Variants in COL21A1 observed in about 807,000 individuals in gnomAD.
COL21A1 encodes collagen type XXI alpha 1 chain.
Under a neutral mutation model 137.9 loss-of-function variants are expected in COL21A1, and 149 were observed. That is an observed-to-expected ratio of 1.08 (90% CI 0.95 to 1.24). The LOEUF (loss-of-function observed/expected upper bound fraction) is 1.24. COL21A1 is among the 50% of genes most tolerant of loss of function. The pLI is 0.00. For synonymous variants in COL21A1, 456 were observed against 391.5 expected, an observed-to-expected ratio of 1.16 and a Z score of -1.95; for missense variants, 1,167 against 1,158.4, an observed-to-expected ratio of 1.01 and a Z score of -0.11.
intron 1 of COL21A1, among the ~76,000 whole-genome samples, chr6:56,218,385 C>A (rs1046522652): frequency 6.6e-6 from 1 of 151,798 alleles, no homozygotes; most frequent in South Asian, 2.1e-4. Context: ...CCCAACACTT[C>A]CTAAAATCAA....
intron 12 of COL21A1, among the ~76,000 whole-genome samples, chr6:56,135,824 T>C (rs1379580201): frequency 7.9e-5 from 12 of 152,230 alleles, no homozygotes; most frequent in Non-Finnish European, 2.9e-5. Flanking sequence ...AACTTTCCTT[T>C]AAACTCCTAG....
intron 16 of COL21A1, among the ~76,000 whole-genome samples, chr6:56,107,507 A>G (rs969696854): frequency 3.9e-5 from 6 of 152,204 alleles, no homozygotes; most frequent in Admixed American, 2.0e-4. Context: ...ATATGCTATT[A>G]GACTTTAAAT....
chr6:56,102,917 A>G (rs1770581570), intron 16 of COL21A1, among the ~76,000 whole-genome samples: 1 of 152,196 alleles, frequency 6.6e-6, no homozygotes, highest in Admixed American at 6.5e-5. Flanking sequence ...CTAATCCAAT[A>G]GCTCTACAGA....
At chr6:56,188,789 G>A (rs747776767) in intron 1 of COL21A1, among the ~76,000 whole-genome samples, 1 of 152,182 alleles carries the variant, frequency 6.6e-6, no homozygotes, top group Non-Finnish European at 1.5e-5. Flanking sequence ...GGAAAGAACA[G>A]GCAGCAATCT....
chr6:56,328,099 C>G (rs1714823632), intron 1 of COL21A1, among the ~76,000 whole-genome samples: 1 of 152,030 alleles, frequency 6.6e-6, no homozygotes, highest in Non-Finnish European at 1.5e-5. Flanking sequence ...ACAATTTACC[C>G]TTAAAAATTC....
At chr6:56,062,148 A>C (rs1765850354) in intron 24 of COL21A1, among the ~76,000 whole-genome samples, 2 of 152,306 alleles carry the variant, frequency 1.3e-5, no homozygotes, top group South Asian at 4.1e-4. Context: ...AAGCAAAGAT[A>C]CCATTAAAAG....
In COL21A1 at chr6:56,094,149, G is replaced by GA. The variant is rs912973277; in HGVS notation, c.1812+7322dup. Among the ~76,000 whole-genome samples the GA allele has an allele frequency of 1.8e-4, 27 of 149,346 alleles. 1 individual carries two copies. The South Asian group carries it at 1.9e-3, about 11-fold the overall frequency. ...CCTCACACTTTACTATAAGCAGTAA[G>GA]AAAAAAAAAATCATGCTCTATCTTC... On this transcript the variant is annotated intron_variant, in intron 17 of 29. Transcript: ENST00000244728.
chr6:56,326,928 A>G (rs1211311544), intron 1 of COL21A1, among the ~76,000 whole-genome samples: 4 of 152,026 alleles, frequency 2.6e-5, no homozygotes, highest in African/African-American at 9.7e-5. Flanking sequence ...AGCTGGACTC[A>G]ATGAAAGGGA....
At chr6:56,272,406 G>A (rs1582747832) in intron 1 of COL21A1, among the ~76,000 whole-genome samples, 3 of 152,188 alleles carry the variant, frequency 2.0e-5, no homozygotes, top group East Asian at 3.9e-4. Context: ...TATCTTGGGA[G>A]TTAACTAACT....
At chr6:56,094,291 G>T (rs1358297634) in intron 17 of COL21A1, among the ~76,000 whole-genome samples, 1 of 152,096 alleles carries the variant, frequency 6.6e-6, no homozygotes, top group Non-Finnish European at 1.5e-5. Context: ...TTATGACAAG[G>T]TGTCACTATT....
chr6:56,070,795 T>C lies in COL21A1; in HGVS notation c.1969A>G (p.Ser657Gly), dbSNP rs1403377389. 1.3e-6 allele frequency: 2 copies of C among 1,596,228 alleles called. No homozygotes were observed. Among genetic ancestry groups the C allele is most frequent in the Non-Finnish European group, 1.7e-6 (2 of 1,173,598 alleles). Residue 657 changes from serine to glycine, a missense_variant, in exon 21 of 30, where the codon AGC becomes GGC. Coordinates refer to ENST00000244728, the MANE Select transcript of COL21A1 (RefSeq NM_030820.4). Reference sequence around the variant, plus strand: ...CCTTGAATTCCAGGTTCACCTTTGCTTCCCTGTCAACACATCAAAAACATT... The same window carrying C: ...CCTTGAATTCCAGGTTCACCTTTGCCTCCCTGTCAACACATCAAAAACATT... ...GQPGTPGSKG[S>G]KGEPGIQGMP...
intron 17 of COL21A1, among the ~76,000 whole-genome samples, chr6:56,084,129 G>T: frequency 6.6e-6 from 1 of 151,474 alleles, no homozygotes. Flanking sequence ...TTAAATTCAG[G>T]AATAAACCAT....
Position 56,311,647 on chromosome 6 carries a change from T to C in COL21A1, c.-39+82324A>G, listed in dbSNP as rs73745458. 3.1e-3 allele frequency among the ~76,000 whole-genome samples: 477 copies of C among 152,330 alleles called. 4 individuals are homozygous for C. Among genetic ancestry groups the C allele is most frequent in the African/African-American group, 0.011 (445 of 41,578 alleles). On this transcript the variant is annotated intron_variant, in intron 1 of 28. Transcript: ENST00000370819. ...TGGTGTGTGTGTACATGTATTTCTG[T>C]AAAAATAAATAGTTACCCACAAGAT...
At chr6:56,158,909 C>T (rs1287844150) in intron 9 of COL21A1, among the ~76,000 whole-genome samples, 1 of 152,098 alleles carries the variant, frequency 6.6e-6, no homozygotes, top group East Asian at 1.9e-4. Flanking sequence ...TGTAATGTCT[C>T]GCTGAATAAA....
intron 1 of COL21A1, among the ~76,000 whole-genome samples, chr6:56,313,998 TAGAGAG>T (rs1022688978): frequency 6.6e-6 from 1 of 152,184 alleles, no homozygotes; most frequent in Non-Finnish European, 1.5e-5. Context: ...GGTATATATA[TAGAGAG>T]AGACATAGTA....
chr6:56,249,751 G>A (rs1782810354), upstream of COL21A1, among the ~76,000 whole-genome samples: 1 of 152,178 alleles, frequency 6.6e-6, no homozygotes, highest in Non-Finnish European at 1.5e-5. Context: ...AGTGTTAATG[G>A]GAATGGGGTT....
intron 1 of COL21A1, among the ~76,000 whole-genome samples, chr6:56,261,576 C>T (rs1763277775): frequency 6.6e-6 from 1 of 152,176 alleles, no homozygotes; most frequent in African/African-American, 2.4e-5. Context: ...CCAGACACTG[C>T]ATCTACAGGC....
intron 23 of COL21A1, among the ~76,000 whole-genome samples, chr6:56,065,492 A>G (rs1262114756): frequency 1.3e-5 from 2 of 152,052 alleles, no homozygotes; most frequent in Non-Finnish European, 2.9e-5. Flanking sequence ...AATACTGCTG[A>G]TAAGTCTACA....
At position 56,170,675 on chromosome 6, in the gene COL21A1, C is replaced by A. The variant is rs778944755; in HGVS notation, c.1000G>T (p.Val334Phe). 1.9e-6 allele frequency: 3 copies of A among 1,599,532 alleles called. No individual in the cohort carries two copies. The highest frequency in any genetic ancestry group is 2.6e-6 in the Non-Finnish European group (3 of 1,171,268). The change falls in exon 5 of 30, where the codon GTT becomes TTT. Residue 334 changes from valine to phenylalanine, a missense_variant. By Grantham distance (50) the Val-to-Phe change is conservative. Coordinates refer to ENST00000244728, the MANE Select transcript of COL21A1 (RefSeq NM_030820.4). ...TTSVINGSQV[V>F]TFANPQVKTL... ...TTAACTTGAGGGTTAGCAAAGGTAA[C>A]CACTTGTGAGCCATTAATTACGCTG...
Sources: gnomAD v4.1 joint callset for allele counts (sites outside exome capture counted in the v4.1 genomes callset) on GRCh38, gnomAD v4.1.1 for gene constraint, MANE v1.5 for transcripts, NCBI Gene and HGNC (gene_info 2026-07-23, HGNC 2026-07-21) for gene names.